STRN: variants seen among roughly 807,000 people sequenced by gnomAD.
The protein encoded by STRN is protein phosphatase 2 regulatory subunit B'''alpha.
Under a neutral mutation model 96.3 loss-of-function variants are expected in STRN, and 53 were observed. That is an observed-to-expected ratio of 0.55 (90% confidence interval 0.44 to 0.69). The LOEUF (loss-of-function observed/expected upper bound fraction) is 0.69, where lower values mean the gene tolerates loss of function less well. STRN is among the 30% of genes least tolerant of loss of function. STRN has a pLI of 0.00. For missense variants in STRN, 987 were observed against 963.9 expected (o/e 1.02, Z -0.32); for synonymous variants, 428 against 355.9 (o/e 1.20, Z -2.28).
intron 1 of STRN, among the ~76,000 whole-genome samples, chr2:36,947,236 T>C (rs1664598875): frequency 6.6e-6 from 1 of 152,076 alleles, no homozygotes; most frequent in African/African-American, 2.4e-5. Context: ...ATAAATTCCT[T>C]AACTAGGAAG....
chr2:36,961,511 C>T (rs1327402216), intron 1 of STRN, among the ~76,000 whole-genome samples: 1 of 152,084 alleles, frequency 6.6e-6, no homozygotes, highest in Non-Finnish European at 1.5e-5. Flanking sequence ...TTGGCTCTAC[C>T]TTTAAAAATG....
chr2:36,963,471 A>C (rs532956565), intron 1 of STRN, among the ~76,000 whole-genome samples: 2 of 152,364 alleles, frequency 1.3e-5, no homozygotes, highest in South Asian at 4.1e-4. Context: ...AGAAAAATAA[A>C]GAAGATTCAA....
chr2:36,920,719 A>G (rs1670230103), intron 2 of STRN, among the ~76,000 whole-genome samples: 1 of 151,834 alleles, frequency 6.6e-6, no homozygotes, highest in African/African-American at 2.4e-5. Flanking sequence ...GAAGAAAAAA[A>G]TCTTCCCTAG....
In STRN at chr2:36,933,980, C is replaced by T. The variant is rs1342068235; in HGVS notation, c.235-8772G>A. ...CAAAAAAATTACCCGGGTGTGGTGG[C>T]GGGCGCCTGTAGTCCCAGCTACTCT... is the stretch of plus-strand genomic sequence containing the variant. On this transcript the variant is annotated intron_variant, in intron 1 of 17. Transcript: ENST00000263918. Among the ~76,000 whole-genome samples, 7 of 152,102 alleles carry T rather than the reference C, an allele frequency of 4.6e-5. No individual in the cohort carries two copies. The East Asian group carries it at 5.8e-4, about 13-fold the overall frequency.
intron 1 of STRN, among the ~76,000 whole-genome samples, chr2:36,942,280 G>C (rs1316913244): frequency 6.6e-6 from 1 of 152,054 alleles, no homozygotes; most frequent in Non-Finnish European, 1.5e-5. Context: ...AGATGAGAAA[G>C]AAAAAACCTA....
chr2:36,956,528 A>G (rs1187256784), intron 1 of STRN, among the ~76,000 whole-genome samples: 1 of 152,228 alleles, frequency 6.6e-6, no homozygotes, highest in Non-Finnish European at 1.5e-5. Flanking sequence ...CCCAGAATTG[A>G]AACCTGGATG....
intron 9 of STRN, among the ~76,000 whole-genome samples, chr2:36,881,418 A>G (rs547960675): frequency 2.4e-4 from 36 of 152,218 alleles, no homozygotes; most frequent in African/African-American, 8.2e-4. Context: ...GTGAGCAACT[A>G]AACTGCACCC....
chr2:36,841,373 T>C lies in STRN; in HGVS notation c.*8083A>G, dbSNP rs1667947218. ...TACCACATAAGAAAGCATTCTTACA[T>C]AGCAGTTGAGTACTGGGAAGGTTGT... On this transcript the variant is annotated 3_prime_UTR_variant, in exon 18 of 18. Transcript: ENST00000263918. 1 of 152,126 alleles carries C rather than the reference T, an allele frequency of 6.6e-6. No individual in the cohort carries two copies. The highest frequency in any genetic ancestry group is 2.4e-5 in the African/African-American group (1 of 41,428). 9.4% of individuals were successfully genotyped at this position (152,126 alleles called of 1,614,324 possible).
chr2:36,883,816 C>T, intron 9 of STRN, 116 bp downstream of exon 9: 1 of 1,009,078 alleles, frequency 9.9e-7, no homozygotes, highest in Non-Finnish European at 1.3e-6. Flanking sequence ...GAAAACTATG[C>T]AGATCAAACA....
chr2:36,858,312 T>G (rs981669391), intron 13 of STRN, among the ~76,000 whole-genome samples: 1 of 152,216 alleles, frequency 6.6e-6, no homozygotes, highest in Non-Finnish European at 1.5e-5. Context: ...GTCTAAATAT[T>G]TTTAAAGCAC....
intron 16 of STRN, among the ~76,000 whole-genome samples, chr2:36,850,133 G>T (rs1291367311): frequency 6.6e-6 from 1 of 152,100 alleles, no homozygotes; most frequent in East Asian, 1.9e-4. Flanking sequence ...TTAGCTACTG[G>T]CAAATTATGA....
chr2:36,903,690 T>C (rs1484937533), intron 4 of STRN, among the ~76,000 whole-genome samples: 1 of 152,242 alleles, frequency 6.6e-6, no homozygotes, highest in Non-Finnish European at 1.5e-5. Context: ...TTAGTTATTA[T>C]AGCTGAAAGA....
intron 10 of STRN, among the ~76,000 whole-genome samples, chr2:36,873,541 G>A (rs1668820095): frequency 6.6e-6 from 1 of 152,044 alleles, no homozygotes; most frequent in African/African-American, 2.4e-5. Flanking sequence ...GCCTGGGTAA[G>A]ACAGTAAGAT....
At chr2:36,929,711 A>G (rs970559360) in intron 1 of STRN, among the ~76,000 whole-genome samples, 3 of 152,170 alleles carry the variant, frequency 2.0e-5, no homozygotes, top group African/African-American at 7.2e-5. Flanking sequence ...ACTACCTTGT[A>G]TTCTAAAATT....
At chr2:36,860,612 T>C (rs899736357) in intron 13 of STRN, among the ~76,000 whole-genome samples, 3 of 152,206 alleles carry the variant, frequency 2.0e-5, no homozygotes, top group African/African-American at 7.2e-5. Context: ...CATTGATAGA[T>C]TATAATATGA....
Position 36,904,742 on chromosome 2 carries a change from C to T in STRN, c.491+798G>A, listed in dbSNP as rs548292554. Among the ~76,000 whole-genome samples the T allele has an allele frequency of 3.3e-5, 5 of 152,270 alleles. No homozygotes were observed. In the South Asian group the frequency reaches 8.3e-4, roughly 25 times the overall value. The stretch of plus-strand genomic sequence containing the variant: ...ACCCGGGAGGCTGACGCAAGAGAAT[C>T]ACTTGAGCCCAGGAGGCAGCAGTTG... On this transcript the variant is annotated intron_variant, in intron 4 of 17. Coordinates refer to ENST00000263918, the MANE Select transcript of STRN (RefSeq NM_003162.4).
intron 10 of STRN, among the ~76,000 whole-genome samples, chr2:36,873,567 T>TTAA (rs960633394): frequency 6.6e-5 from 10 of 151,596 alleles, no homozygotes; most frequent in Non-Finnish European, 1.5e-4. Flanking sequence ...CTCAAAAAAA[T>TTAA]TAATAATAAT....
At chr2:36,906,504 A>G (rs1314456003) in intron 3 of STRN, among the ~76,000 whole-genome samples, 2 of 152,218 alleles carry the variant, frequency 1.3e-5, no homozygotes, top group Admixed American at 6.5e-5. Flanking sequence ...TAACAAATAA[A>G]TAATTTTTTT....
rs1667988696 is a variant in STRN, at chr2:36,843,136, G to A, written c.*6320C>T. Among the ~76,000 whole-genome samples the A allele has an allele frequency of 6.6e-6, 1 of 152,062 alleles. No homozygotes were observed. On this transcript the variant is annotated 3_prime_UTR_variant, in exon 18 of 18. Coordinates refer to ENST00000263918, the MANE Select transcript of STRN (RefSeq NM_003162.4). ...ATCATGTCTCAGTTCTCATTAAAAAGATAAAAGAGGTGTTTCCAACACTAC... is the reference window on the plus strand; with the variant it reads ...ATCATGTCTCAGTTCTCATTAAAAAAATAAAAGAGGTGTTTCCAACACTAC...
Sources: gnomAD v4.1 joint callset for allele counts (sites outside exome capture counted in the v4.1 genomes callset) on GRCh38, gnomAD v4.1.1 for gene constraint, MANE v1.5 for transcripts, NCBI Gene and HGNC (gene_info 2026-07-23, HGNC 2026-07-21) for gene names.